Variants in DNAJC13 observed in about 807,000 individuals in gnomAD.
DNAJC13 encodes DnaJ heat shock protein family (Hsp40) member C13, also known as dnaJ homolog subfamily C member 13.
In DNAJC13, 75 loss-of-function variants were observed where a neutral mutation model predicts 290.5. That is an observed-to-expected ratio of 0.26 (90% CI 0.21 to 0.31). DNAJC13 has a LOEUF of 0.31. Ranked by LOEUF, DNAJC13 falls within the 10% of genes least tolerant of loss-of-function variation. DNAJC13 has a pLI of 1.00. For synonymous variants in DNAJC13, 862 were observed against 892.0 expected, an observed-to-expected ratio of 0.97 and a Z score of 0.60; for missense variants, 2,260 against 2,674.5, an observed-to-expected ratio of 0.85 and a Z score of 3.42.
chr3:132,482,330 G>A lies in DNAJC13; in HGVS notation c.2979G>A (p.Glu993=). The change falls in exon 27 of 56, where the codon GAG becomes GAA. Residue 993 remains glutamate (E), a splice_region_variant and synonymous_variant. Transcript: ENST00000260818. ...KERSGPYGFH[E]MQELWTKGML... ...GGAGTGGCCCGTATGGATTTCATGA[G>A]GTATGTATCTTGGAGATACTTTTGG... The A allele has an allele frequency of 6.2e-7, 1 of 1,612,240 alleles. No individual in the cohort carries two copies. Among genetic ancestry groups the A allele is most frequent in the Non-Finnish European group, 8.5e-7 (1 of 1,178,708 alleles).
intron 20 of DNAJC13, among the ~76,000 whole-genome samples, chr3:132,471,156 C>CG: frequency 1.1e-5 from 1 of 94,672 alleles, no homozygotes; most frequent in Admixed American, 1.1e-4. Flanking sequence ...GTGGCTGGCC[C>CG]GGCTGAGGGG....
At chr3:132,500,068 C>G (rs979756474) in intron 38 of DNAJC13, among the ~76,000 whole-genome samples, 1 of 152,192 alleles carries the variant, frequency 6.6e-6, no homozygotes, top group Admixed American at 6.5e-5. Context: ...TGTTGGCTTA[C>G]GTTTTCTTTC....
intron 28 of DNAJC13, 84 bp from the exon 29 acceptor site, chr3:132,484,504 T>C: frequency 1.6e-6 from 2 of 1,258,292 alleles, no homozygotes; most frequent in Non-Finnish European, 2.3e-6. Context: ...GTAACCTGCT[T>C]CATGCCTAGT....
intron 13 of DNAJC13, among the ~76,000 whole-genome samples, chr3:132,459,117 T>C (rs1031559543): frequency 1.3e-5 from 2 of 152,178 alleles, no homozygotes; most frequent in Admixed American, 1.3e-4. Flanking sequence ...ATCTATTTTG[T>C]AGAGAAGGAC....
chr3:132,455,253 C>A (rs1411641685), intron 9 of DNAJC13, among the ~76,000 whole-genome samples: 1 of 152,006 alleles, frequency 6.6e-6, no homozygotes, highest in Non-Finnish European at 1.5e-5. Context: ...AATGTTAATA[C>A]ATGAAAAGAT....
At chr3:132,447,190 A>T (rs1933273463) in intron 3 of DNAJC13, 131 bp from the exon 4 acceptor site, 1 of 758,796 alleles carries the variant, frequency 1.3e-6, no homozygotes, top group Admixed American at 4.0e-5. Flanking sequence ...TTACTGTAAG[A>T]CACAATTTCT....
rs778967211 is a variant in DNAJC13 at position 132,494,219 on chromosome 3, G to T, written c.3901G>T (p.Asp1301Tyr). ...GAAGCCACCTATGATGTCAATAGAT[G>T]ATGCTTATGAAGTGCTTAATCTGCC... Reference protein sequence around the residue: ...EKKPPMMSIDDAYEVLNLPQG... With the variant: ...EKKPPMMSIDYAYEVLNLPQG... The change falls in exon 34 of 56, where the codon GAT (aspartate) becomes TAT (tyrosine). Residue 1301 changes from aspartate to tyrosine, a missense_variant. Asp to Tyr is a radical substitution (Grantham distance 160, BLOSUM62 -3). Transcript: ENST00000260818. The T allele has an allele frequency of 1.9e-6, 3 of 1,613,206 alleles. No individual in the cohort carries two copies. In the East Asian group the frequency reaches 6.7e-5, roughly 36 times the overall value.
intron 1 of DNAJC13, among the ~76,000 whole-genome samples, chr3:132,430,302 G>A (rs984067361): frequency 3.3e-5 from 5 of 151,684 alleles, no homozygotes; most frequent in African/African-American, 1.2e-4. Flanking sequence ...TTCTTTAGGT[G>A]TTTATTTTTT....
intron 22 of DNAJC13, among the ~76,000 whole-genome samples, chr3:132,476,857 G>A (rs1934490445): frequency 6.6e-6 from 1 of 152,146 alleles, no homozygotes. Context: ...TGGATACCTT[G>A]TTTAAAAATG....
intron 35 of DNAJC13, among the ~76,000 whole-genome samples, chr3:132,495,767 A>G (rs1256582572): frequency 2.6e-5 from 4 of 152,128 alleles, no homozygotes; most frequent in Non-Finnish European, 2.9e-5. Context: ...AGTATTCCTG[A>G]ATGAGAAGAC....
At position 132,466,411 on chromosome 3, in the gene DNAJC13, C is replaced by T. The variant is rs750619229; in HGVS notation, c.2064+17C>T. 1.5e-5 allele frequency: 24 copies of T among 1,557,478 alleles called. No homozygotes were observed. Among genetic ancestry groups the T allele is most frequent in the Middle Eastern group, 1.7e-4 (1 of 5,810 alleles). ...ATAGCAATGGTAAATATGACTGTCC[C>T]AAGTGTGCCTTTTTTAGGAGTAAGG... On this transcript the variant is annotated intron_variant, in intron 19 of 55. Transcript: ENST00000260818.
chr3:132,537,867 C>G (rs1936643327), intron 55 of DNAJC13, among the ~76,000 whole-genome samples: 1 of 152,102 alleles, frequency 6.6e-6, no homozygotes, highest in African/African-American at 2.4e-5. Context: ...CGACATAGTT[C>G]TTTTCAGTGC....
At chr3:132,420,210 G>A (rs1183540214) in intron 1 of DNAJC13, among the ~76,000 whole-genome samples, 2 of 152,244 alleles carry the variant, frequency 1.3e-5, no homozygotes, top group Non-Finnish European at 2.9e-5. Context: ...TACTAGAAAA[G>A]ACTGGAAAGA....
At chr3:132,431,219 C>T (rs1236454250) in intron 1 of DNAJC13, among the ~76,000 whole-genome samples, 1 of 152,146 alleles carries the variant, frequency 6.6e-6, no homozygotes, top group African/African-American at 2.4e-5. Flanking sequence ...ACTCTTGTGG[C>T]CTCTGTAGAA....
intron 6 of DNAJC13, among the ~76,000 whole-genome samples, chr3:132,451,226 C>G (rs960644955): frequency 1.3e-5 from 2 of 151,946 alleles, no homozygotes; most frequent in Admixed American, 6.6e-5. Context: ...CTTAGGGAGG[C>G]AGAGTTAGGA....
intron 33 of DNAJC13, among the ~76,000 whole-genome samples, chr3:132,493,146 C>T (rs1227518571): frequency 2.0e-5 from 3 of 151,748 alleles, no homozygotes; most frequent in African/African-American, 7.3e-5. Flanking sequence ...TAATTCCTGG[C>T]ACGCGTAAGA....
chr3:132,426,582 GT>G (rs1185580298), intron 1 of DNAJC13, among the ~76,000 whole-genome samples: 1 of 152,152 alleles, frequency 6.6e-6, no homozygotes, highest in Non-Finnish European at 1.5e-5. Context: ...TTGATAGCAT[GT>G]GCTTATATTT....
intron 55 of DNAJC13, chr3:132,537,132 T>C (rs1380084720): frequency 2.2e-6 from 1 of 456,328 alleles, no homozygotes; most frequent in South Asian, 1.5e-5. Context: ...CTTCCCTTGC[T>C]GCTTATATTT....
chr3:132,522,811 C>A lies in DNAJC13; in HGVS notation c.5674-17C>A. 1 of 1,575,660 alleles carries A rather than the reference C, an allele frequency of 6.3e-7. No homozygotes were observed. Among genetic ancestry groups the A allele is most frequent in the South Asian group, 1.2e-5 (1 of 83,956 alleles). On this transcript the variant is annotated splice_polypyrimidine_tract_variant and intron_variant, in intron 48 of 55. Transcript: ENST00000260818. Reference sequence around the variant, plus strand: ...TTCCAATAGGTGTCTTTTTCATTCTCAAACTTCCTCGTATAGGTTCGAATT... The same window carrying A: ...TTCCAATAGGTGTCTTTTTCATTCTAAAACTTCCTCGTATAGGTTCGAATT...
Sources: allele counts gnomAD v4.1 joint callset (sites outside exome capture counted in the v4.1 genomes callset), GRCh38; gene constraint gnomAD v4.1.1; transcripts MANE v1.5; gene names NCBI Gene and HGNC (gene_info 2026-07-23, HGNC 2026-07-21).